The following MEIKIN variants were observed in gnomAD, a reference collection of about 807,000 sequenced individuals.
MEIKIN encodes meiosis-specific kinetochore protein.
chr5:131,919,329 A>G (rs1751467625), intron 6 of MEIKIN, among the ~76,000 whole-genome samples: 1 of 152,212 alleles, frequency 6.6e-6, no homozygotes, highest in South Asian at 2.1e-4. Context: ...AATATCCAAT[A>G]AAATGATATA....
chr5:131,933,731 C>T (rs1751726310), intron 4 of MEIKIN, 90 bp from the exon 5 acceptor site: 3 of 390,518 alleles, frequency 7.7e-6, no homozygotes, highest in African/African-American at 2.1e-5. Context: ...AATGTACATG[C>T]TTAGTTATAT....
chr5:131,893,027 G>T (rs1750960376), intron 8 of MEIKIN, among the ~76,000 whole-genome samples: 1 of 152,154 alleles, frequency 6.6e-6, no homozygotes, highest in Admixed American at 6.5e-5. Flanking sequence ...CTGCAGAACA[G>T]CAGATATTGG....
At position 131,821,130 on chromosome 5, in the gene MEIKIN, G is replaced by A. The variant is rs117435915; in HGVS notation, c.976-2267C>T. On this transcript the variant is annotated intron_variant, in intron 11 of 12. Coordinates refer to ENST00000442687, the MANE Select transcript of MEIKIN (RefSeq NM_001303622.2). ...AAGTTTTTCCTCTTTTCTGATGTAG[G>A]CACTTACAGATCTAAATTTCCATTA... is the stretch of plus-strand genomic sequence containing the variant. Among the ~76,000 whole-genome samples the A allele has an allele frequency of 1.7e-4, 26 of 152,086 alleles. No individual in the cohort carries two copies. The East Asian group carries it at 4.8e-3, about 28-fold the overall frequency.
chr5:131,871,833 G>T (rs545631911), intron 9 of MEIKIN, among the ~76,000 whole-genome samples: 2 of 152,094 alleles, frequency 1.3e-5, no homozygotes, highest in Non-Finnish European at 2.9e-5. Context: ...CAGCATTTGC[G>T]GTTCACCAAT....
intron 8 of MEIKIN, among the ~76,000 whole-genome samples, chr5:131,882,999 C>T (rs1314308002): frequency 6.6e-6 from 1 of 152,152 alleles, no homozygotes; most frequent in East Asian, 1.9e-4. Flanking sequence ...ACCTTATATT[C>T]CTTAGTTACT....
chr5:131,917,841 G>A (rs535694985), intron 6 of MEIKIN, among the ~76,000 whole-genome samples: 132 of 152,272 alleles, frequency 8.7e-4, no homozygotes, highest in African/African-American at 3.0e-3. Context: ...ATGCCTTTAA[G>A]CATTTCCTCA....
intron 11 of MEIKIN, among the ~76,000 whole-genome samples, chr5:131,820,843 T>C (rs1749485423): frequency 6.6e-6 from 1 of 152,202 alleles, no homozygotes; most frequent in South Asian, 2.1e-4. Context: ...TGAATTTCTG[T>C]AGTATTCATT....
At chr5:131,871,018 G>A (rs995757893) in intron 9 of MEIKIN, among the ~76,000 whole-genome samples, 3 of 152,154 alleles carry the variant, frequency 2.0e-5, no homozygotes, top group Non-Finnish European at 4.4e-5. Context: ...AAAACAGAAG[G>A]AGGAGCCAAG....
intron 3 of MEIKIN, chr5:131,944,347 G>A (rs1042767018): frequency 7.8e-5 from 15 of 192,710 alleles, no homozygotes; most frequent in Admixed American, 1.2e-4. Flanking sequence ...GTTGTTAATG[G>A]AAAATCAAAT....
At chr5:131,831,464 G>T (rs1402283105) in intron 11 of MEIKIN, among the ~76,000 whole-genome samples, 2 of 152,138 alleles carry the variant, frequency 1.3e-5, no homozygotes, top group Non-Finnish European at 2.9e-5. Flanking sequence ...GGCTGAAGTG[G>T]GGAGATTGCT....
chr5:131,921,926 T>C lies in MEIKIN; in HGVS notation c.494A>G (p.Asn165Ser). Residue 165 changes from asparagine (N) to serine (S), a missense_variant, in exon 6 of 13, where the codon AAC becomes AGC. Asn to Ser is a conservative substitution (Grantham distance 46). Transcript: ENST00000442687. ...KSDYLDWECP[N>S]LEEHMQWKNS... Reference sequence around the variant, plus strand: ...CTTCCACTGCATGTGTTCTTCCAAGTTGGGACACTCCCAGTCTAAAACAGC... The same window carrying C: ...CTTCCACTGCATGTGTTCTTCCAAGCTGGGACACTCCCAGTCTAAAACAGC... 2.5e-6 allele frequency: 1 copy of C among 398,890 alleles called. No individual in the cohort carries two copies. The highest frequency in any genetic ancestry group is 3.6e-5 in the East Asian group (1 of 28,084). The allele number at this position is 398,890 out of a possible 1,614,324, so 24.7% of individuals were successfully genotyped here. A position where few individuals can be genotyped will look rare whatever the true frequency, so the allele number is the denominator to read the frequency against.
intron 12 of MEIKIN, among the ~76,000 whole-genome samples, chr5:131,813,576 G>A (rs1401306347): frequency 2.0e-5 from 3 of 151,902 alleles, no homozygotes; most frequent in African/African-American, 7.3e-5. Context: ...ACAGGCACCC[G>A]CCACCATGCC....
intron 12 of MEIKIN, among the ~76,000 whole-genome samples, chr5:131,808,237 A>T (rs1460054185): frequency 6.6e-6 from 1 of 152,188 alleles, no homozygotes; most frequent in Non-Finnish European, 1.5e-5. Flanking sequence ...AGACTTTGCA[A>T]AATGGTTCAC....
At chr5:131,872,774 A>C (rs1266453206) in intron 9 of MEIKIN, among the ~76,000 whole-genome samples, 16 of 152,240 alleles carry the variant, frequency 1.1e-4, no homozygotes, top group African/African-American at 1.9e-4. Flanking sequence ...CACAAAGGGA[A>C]GCCCATCAGA....
At chr5:131,925,068 G>A (rs1489115686) in intron 5 of MEIKIN, among the ~76,000 whole-genome samples, 3 of 152,164 alleles carry the variant, frequency 2.0e-5, no homozygotes, top group African/African-American at 7.2e-5. Context: ...ATTTGTTGAA[G>A]AAAGTATCCT....
At chr5:131,907,655 C>T (rs1250704993) in intron 8 of MEIKIN, among the ~76,000 whole-genome samples, 4 of 151,242 alleles carry the variant, frequency 2.6e-5, no homozygotes, top group South Asian at 4.2e-4. Flanking sequence ...GGGCGGATCA[C>T]GAAGTCAGGA....
At chr5:131,865,021 T>C (rs1750359359) in intron 9 of MEIKIN, among the ~76,000 whole-genome samples, 1 of 152,224 alleles carries the variant, frequency 6.6e-6, no homozygotes, top group African/African-American at 2.4e-5. Context: ...TTTGAGTGTA[T>C]TTTGTATTTC....
intron 5 of MEIKIN, among the ~76,000 whole-genome samples, chr5:131,933,272 G>C (rs1282516239): frequency 6.6e-6 from 1 of 152,136 alleles, no homozygotes; most frequent in Non-Finnish European, 1.5e-5. Flanking sequence ...TTAATAATTG[G>C]ATGTGTATTA....
At chr5:131,906,357 A>T (rs907538697) in intron 8 of MEIKIN, among the ~76,000 whole-genome samples, 1 of 152,192 alleles carries the variant, frequency 6.6e-6, no homozygotes, top group Non-Finnish European at 1.5e-5. Context: ...TTAAAAAGTA[A>T]AAAAGTAACA....
Sources: allele counts gnomAD v4.1 joint callset (sites outside exome capture counted in the v4.1 genomes callset), GRCh38; gene constraint gnomAD v4.1.1; transcripts MANE v1.5; gene names NCBI Gene and HGNC (gene_info 2026-07-23, HGNC 2026-07-21).